NBAS: variants seen among roughly 807,000 people sequenced by gnomAD.
NBAS encodes the protein NBAS subunit of NRZ tethering complex.
NBAS carries 219 observed loss-of-function variants against 302.5 expected under a neutral mutation model. That is an observed-to-expected ratio of 0.72 (90% CI 0.65 to 0.81). The LOEUF (loss-of-function observed/expected upper bound fraction) is 0.81. Among genes scored for constraint, NBAS ranks in the 30% least tolerant of loss-of-function variants. The probability of loss-of-function intolerance (pLI) is 0.00; values close to 1 mark genes in which losing one functional copy is unlikely to be tolerated. For synonymous variants in NBAS, 1,118 were observed against 1,021.6 expected (o/e 1.09, Z -1.80); for missense variants, 2,932 against 2,841.6 (o/e 1.03, Z -0.72).
At chr2:15,200,411 A>T (rs2147827209) in intron 48 of NBAS, among the ~76,000 whole-genome samples, 1 of 152,126 alleles carries the variant, frequency 6.6e-6, no homozygotes, top group South Asian at 2.1e-4. Flanking sequence ...AACAAAATAA[A>T]CTATTTTTTT....
At chr2:15,270,879 A>T (rs1367421799) in intron 44 of NBAS, among the ~76,000 whole-genome samples, 1 of 152,236 alleles carries the variant, frequency 6.6e-6, no homozygotes, top group Non-Finnish European at 1.5e-5. Context: ...ATTCACTCTG[A>T]ATCTGACATA....
chr2:14,958,167 T>G, the NBAS span, among the ~76,000 whole-genome samples: 23,010 of 152,174 alleles, frequency 0.15, 2,301 homozygotes, highest in African/African-American at 0.29. Context: ...AGAGTCCCAT[T>G]TAATTGAAAT....
chr2:15,270,986 T>C (rs1486786212), intron 44 of NBAS, among the ~76,000 whole-genome samples: 2 of 152,182 alleles, frequency 1.3e-5, no homozygotes, highest in Non-Finnish European at 2.9e-5. Flanking sequence ...CATCCTTAGT[T>C]AAAAGATAGT....
intron 48 of NBAS, among the ~76,000 whole-genome samples, chr2:15,193,204 T>C (rs1665445256): frequency 6.6e-6 from 1 of 152,174 alleles, no homozygotes; most frequent in African/African-American, 2.4e-5. Context: ...TCATTCCAAT[T>C]TTTAGTAACT....
intron 9 of NBAS, among the ~76,000 whole-genome samples, chr2:15,515,047 G>A (rs2148653785): frequency 6.6e-6 from 1 of 152,276 alleles, no homozygotes; most frequent in African/African-American, 2.4e-5. Context: ...CCAGCTCTAA[G>A]AATGCATATG....
At chr2:15,335,652 C>G (rs888428351) in intron 35 of NBAS, among the ~76,000 whole-genome samples, 15 of 152,138 alleles carry the variant, frequency 9.9e-5, no homozygotes, top group Admixed American at 2.0e-4. Context: ...CTGTTTGAGT[C>G]TTTTGCCATT....
At chr2:14,909,510 G>A in the NBAS span, among the ~76,000 whole-genome samples, 2 of 152,122 alleles carry the variant, frequency 1.3e-5, no homozygotes, top group Non-Finnish European at 2.9e-5. Context: ...CTGTGAATGA[G>A]GATTGGGTTT....
At chr2:15,210,275 G>GA (rs1263752092) in intron 48 of NBAS, among the ~76,000 whole-genome samples, 2 of 151,596 alleles carry the variant, frequency 1.3e-5, no homozygotes, top group Admixed American at 6.6e-5. Flanking sequence ...AACAACTATA[G>GA]AAAAAAAATA....
the NBAS span, among the ~76,000 whole-genome samples, chr2:14,937,165 T>A: frequency 3.3e-5 from 5 of 152,142 alleles, no homozygotes; most frequent in African/African-American, 1.2e-4. Context: ...CAAGCCCCCA[T>A]CTCTGAGGGT....
chr2:15,510,038 C>T (rs535497328), intron 10 of NBAS, among the ~76,000 whole-genome samples: 20 of 152,256 alleles, frequency 1.3e-4, no homozygotes, highest in Admixed American at 2.0e-4. Context: ...TTAGTAGAGA[C>T]GGGGTTTCAC....
the NBAS span, among the ~76,000 whole-genome samples, chr2:14,857,950 T>C: frequency 1.3e-5 from 2 of 152,126 alleles, no homozygotes; most frequent in Non-Finnish European, 2.9e-5. Flanking sequence ...AACTAGAATA[T>C]ATAAGGAGCT....
intron 12 of NBAS, among the ~76,000 whole-genome samples, chr2:15,487,923 C>CCTTA (rs1289366822): frequency 6.6e-6 from 1 of 152,062 alleles, no homozygotes; most frequent in African/African-American, 2.4e-5. Flanking sequence ...AAAATATCTT[C>CCTTA]CTAAAGCTGT....
At chr2:14,785,574 T>A in the NBAS span, among the ~76,000 whole-genome samples, 1 of 152,234 alleles carries the variant, frequency 6.6e-6, no homozygotes, top group African/African-American at 2.4e-5. Context: ...TCTATTGAGA[T>A]AATCATGTGG....
In NBAS at chr2:15,461,779, C is replaced by A. The variant is rs1026052083; in HGVS notation, c.2110G>T (p.Val704Leu). The change falls in exon 20 of 52, where the codon GTG (valine) becomes TTG (leucine). Residue 704 changes from valine to leucine, a missense_variant. Transcript: ENST00000281513. ...RLATYEEILGVPHASEQRYDA... is the reference protein window; with the variant it reads ...RLATYEEILGLPHASEQRYDA... ...TATCTCTGTTCAGATGCATGAGGCA[C>A]TCCTAGGATTTCCTGAGGGGAAATT... 6 of 1,592,884 alleles carry A rather than the reference C, an allele frequency of 3.8e-6. No homozygotes were observed. In the African/African-American group the frequency reaches 6.7e-5, roughly 18 times the overall value.
At chr2:15,423,448 GC>G (rs1233914411) in intron 23 of NBAS, among the ~76,000 whole-genome samples, 1 of 152,088 alleles carries the variant, frequency 6.6e-6, no homozygotes, top group African/African-American at 2.4e-5. Flanking sequence ...CATGGGTCAT[GC>G]TAGATAAACT....
chr2:15,473,984 C>T, intron 15 of NBAS, 83 bp downstream of exon 15: 1 of 1,550,504 alleles, frequency 6.4e-7, no homozygotes, highest in Non-Finnish European at 8.8e-7. Context: ...GAAATTTTCT[C>T]CTTTATTAAA....
downstream of NBAS, among the ~76,000 whole-genome samples, chr2:15,166,734 CCAG>C (rs1229160815): frequency 2.0e-5 from 3 of 152,156 alleles, no homozygotes; most frequent in African/African-American, 7.2e-5. Flanking sequence ...ACCCCATCCA[CCAG>C]CACATCCAAC....
chr2:14,975,039 A>T, the NBAS span, among the ~76,000 whole-genome samples: 2 of 152,060 alleles, frequency 1.3e-5, no homozygotes, highest in Admixed American at 1.3e-4. Context: ...GCTAAGAATG[A>T]CCCCTGGCTC....
the NBAS span, among the ~76,000 whole-genome samples, chr2:14,924,425 C>CCA: frequency 1.3e-5 from 2 of 152,358 alleles, no homozygotes; most frequent in Non-Finnish European, 2.9e-5. Context: ...CACAGAGCCA[C>CCA]CACAGGCCTG....
Sources: allele counts gnomAD v4.1 joint callset (sites outside exome capture counted in the v4.1 genomes callset), GRCh38; gene constraint gnomAD v4.1.1; transcripts MANE v1.5; gene names NCBI Gene and HGNC (gene_info 2026-07-23, HGNC 2026-07-21).